Variants in MCC observed in about 807,000 individuals in gnomAD.
The protein encoded by MCC is MCC regulator of Wnt signaling pathway.
MCC carries 90 observed loss-of-function variants against 116.2 expected under a neutral mutation model. The ratio of observed to expected loss-of-function variants is 0.77; its 90% CI spans 0.65 to 0.92. MCC has a LOEUF of 0.92. MCC is among the 40% of genes least tolerant of loss of function. The pLI, the probability that MCC is intolerant of heterozygous loss-of-function variation, is 0.00. For missense variants in MCC, 1,516 were observed against 1,312.2 expected (o/e 1.16, Z -2.40); for synonymous variants, 578 against 510.5 (o/e 1.13, Z -1.78).
At chr5:113,443,556 G>A (rs1263307231) in intron 1 of MCC, among the ~76,000 whole-genome samples, 2 of 152,128 alleles carry the variant, frequency 1.3e-5, no homozygotes, top group African/African-American at 4.8e-5. Flanking sequence ...GTGAGAGAGG[G>A]CATCCTTGTC....
At chr5:113,376,966 G>A (rs918557370) in intron 2 of MCC, among the ~76,000 whole-genome samples, 1 of 152,186 alleles carries the variant, frequency 6.6e-6, no homozygotes, top group Non-Finnish European at 1.5e-5. Context: ...CACCATTAGA[G>A]AAGAATCCCT....
At chr5:113,178,402 G>A (rs1021572382) in intron 3 of MCC, among the ~76,000 whole-genome samples, 3 of 152,176 alleles carry the variant, frequency 2.0e-5, no homozygotes, top group Non-Finnish European at 4.4e-5. Flanking sequence ...AGTAGTTGAG[G>A]TACTAGAAAA....
intron 3 of MCC, among the ~76,000 whole-genome samples, chr5:113,280,002 T>A (rs1184502031): frequency 6.6e-6 from 1 of 152,234 alleles, no homozygotes; most frequent in Non-Finnish European, 1.5e-5. Context: ...CTTAACACAA[T>A]CTGCAACAAT....
At chr5:113,394,541 C>T (rs1473074666) in intron 1 of MCC, among the ~76,000 whole-genome samples, 1 of 152,146 alleles carries the variant, frequency 6.6e-6, no homozygotes, top group Non-Finnish European at 1.5e-5. Flanking sequence ...CACCAAATTT[C>T]TTTTAGCTTC....
chr5:113,177,913 A>C (rs1448377649), intron 3 of MCC, among the ~76,000 whole-genome samples: 1 of 152,268 alleles, frequency 6.6e-6, no homozygotes, highest in African/African-American at 2.4e-5. Context: ...ATGCTGTAAC[A>C]AACATAAAAT....
intron 1 of MCC, among the ~76,000 whole-genome samples, chr5:113,478,613 A>G (rs1259387106): frequency 6.6e-6 from 1 of 152,202 alleles, no homozygotes; most frequent in East Asian, 1.9e-4. Flanking sequence ...CATGGAAGTC[A>G]AGTATGCAGT....
At chr5:113,263,425 T>C (rs925016829) in intron 3 of MCC, among the ~76,000 whole-genome samples, 3 of 152,198 alleles carry the variant, frequency 2.0e-5, no homozygotes, top group Non-Finnish European at 2.9e-5. Context: ...GATTTATCAA[T>C]AGTGGCCCTG....
chr5:113,385,855 T>C (rs1581444312), intron 1 of MCC, among the ~76,000 whole-genome samples: 1 of 152,138 alleles, frequency 6.6e-6, no homozygotes, highest in South Asian at 2.1e-4. Flanking sequence ...CAGGACTAGA[T>C]TTAATGTAAA....
intron 17 of MCC, among the ~76,000 whole-genome samples, chr5:113,030,083 G>T (rs1176493232): frequency 1.3e-5 from 2 of 152,192 alleles, no homozygotes; most frequent in African/African-American, 4.8e-5. Flanking sequence ...TTTAGGGAAG[G>T]AATTCGTTTA....
intron 3 of MCC, among the ~76,000 whole-genome samples, chr5:113,154,039 A>C (rs1760034673): frequency 6.6e-6 from 1 of 152,262 alleles, no homozygotes; most frequent in African/African-American, 2.4e-5. Context: ...AAAAGTAATA[A>C]AATTGCAACA....
At position 113,480,455 on chromosome 5, in the gene MCC, AAC is replaced by A. The variant is rs1361326504; in HGVS notation, c.170+7788_170+7789del. Among the ~76,000 whole-genome samples, 9 of 152,342 alleles carry A rather than the reference AAC, an allele frequency of 5.9e-5. No homozygotes were observed. The South Asian group carries it at 1.5e-3, about 25-fold the overall frequency. On this transcript the variant is annotated intron_variant, in intron 1 of 18. Transcript: ENST00000408903. ...TCTTAAAATTTATTGGCCTTGTGCCAACACAGTTACCATTGCTTGTTCTGTGT... is the reference window on the plus strand; with the variant it reads ...TCTTAAAATTTATTGGCCTTGTGCCAACAGTTACCATTGCTTGTTCTGTGT...
intron 2 of MCC, among the ~76,000 whole-genome samples, chr5:113,354,645 G>A (rs1228014119): frequency 1.3e-5 from 2 of 151,786 alleles, no homozygotes; most frequent in Non-Finnish European, 2.9e-5. Flanking sequence ...ATGTTGACCA[G>A]GCTGGTCTTG....
intron 1 of MCC, among the ~76,000 whole-genome samples, chr5:113,463,917 G>A (rs1384675248): frequency 6.6e-6 from 1 of 152,160 alleles, no homozygotes; most frequent in Non-Finnish European, 1.5e-5. Flanking sequence ...GGATAAGCCT[G>A]CAAAGGAGAT....
At chr5:113,142,201 G>A (rs1267810162) in intron 5 of MCC, among the ~76,000 whole-genome samples, 1 of 147,166 alleles carries the variant, frequency 6.8e-6, no homozygotes, top group Admixed American at 6.6e-5. Context: ...TGCATCCAAA[G>A]TTTCCTCTGA....
chr5:113,067,157 C>A (rs1200907505), intron 13 of MCC, among the ~76,000 whole-genome samples: 1 of 152,152 alleles, frequency 6.6e-6, no homozygotes, highest in African/African-American at 2.4e-5. Flanking sequence ...AATTGAGGGA[C>A]AGAAGTGAGC....
At chr5:113,196,779 G>A (rs954573781) in intron 3 of MCC, among the ~76,000 whole-genome samples, 2 of 152,130 alleles carry the variant, frequency 1.3e-5, no homozygotes, top group African/African-American at 4.8e-5. Flanking sequence ...AACTGGGGAG[G>A]CAGAGGTTTC....
At chr5:113,063,043 G>A (rs145996940) in intron 14 of MCC, among the ~76,000 whole-genome samples, 16 of 152,296 alleles carry the variant, frequency 1.1e-4, no homozygotes, top group South Asian at 4.1e-4. Context: ...CTAAGATCCC[G>A]GGTTCCCATC....
chr5:113,307,768 G>C (rs545361355), intron 3 of MCC, among the ~76,000 whole-genome samples: 2 of 152,170 alleles, frequency 1.3e-5, no homozygotes, highest in African/African-American at 4.8e-5. Context: ...CATTAAAAAT[G>C]ATGTTAGCTG....
At chr5:113,294,810 G>A (rs1766658340) in intron 3 of MCC, 1 of 986,554 alleles carries the variant, frequency 1.0e-6, no homozygotes, top group Non-Finnish European at 1.2e-6. Flanking sequence ...GCGAGCTCCC[G>A]AAAAAACTAG....
Sources: gnomAD v4.1 joint callset for allele counts (sites outside exome capture counted in the v4.1 genomes callset) on GRCh38, gnomAD v4.1.1 for gene constraint, MANE v1.5 for transcripts, NCBI Gene and HGNC (gene_info 2026-07-23, HGNC 2026-07-21) for gene names.